Variants in FOXP1 observed in about 807,000 individuals in gnomAD.
FOXP1 encodes the protein forkhead box P1.
Under a neutral mutation model 98.2 loss-of-function variants are expected in FOXP1, and 15 were observed. That is an observed-to-expected ratio of 0.15 (90% CI 0.10 to 0.24). The LOEUF (loss-of-function observed/expected upper bound fraction) is 0.24. Among genes scored for constraint, FOXP1 ranks in the 10% least tolerant of loss-of-function variants. FOXP1 has a pLI of 1.00. For synonymous variants in FOXP1, 371 were observed against 314.5 expected, an observed-to-expected ratio of 1.18 and a Z score of -1.90; for missense variants, 633 against 848.5, an observed-to-expected ratio of 0.75 and a Z score of 3.15.
chr3:71,168,203 A>G (rs2061480779), intron 6 of FOXP1, among the ~76,000 whole-genome samples: 1 of 152,154 alleles, frequency 6.6e-6, no homozygotes, highest in African/African-American at 2.4e-5. Flanking sequence ...CAAAATGTGA[A>G]ACACTGTAAC....
At chr3:71,508,937 G>C (rs1026194172) in intron 2 of FOXP1, among the ~76,000 whole-genome samples, 2 of 152,118 alleles carry the variant, frequency 1.3e-5, no homozygotes, top group Admixed American at 6.5e-5. Flanking sequence ...TTGTGGTGAG[G>C]ACAAAAGGGG....
intron 5 of FOXP1, among the ~76,000 whole-genome samples, chr3:71,245,998 A>ACCCCC (rs55660633): frequency 7.6e-6 from 1 of 132,172 alleles, no homozygotes; most frequent in African/African-American, 2.6e-5. Context: ...TACGAAAACC[A>ACCCCC]CCCCCCCCCC....
intron 2 of FOXP1, among the ~76,000 whole-genome samples, chr3:71,548,534 T>C (rs1413042198): frequency 6.6e-6 from 1 of 152,020 alleles, no homozygotes; most frequent in Non-Finnish European, 1.5e-5. Flanking sequence ...GCCTCCCAAG[T>C]ACTATAGGTG....
At chr3:71,315,101 A>G (rs1344659739) in intron 4 of FOXP1, among the ~76,000 whole-genome samples, 4 of 141,594 alleles carry the variant, frequency 2.8e-5, no homozygotes, top group African/African-American at 1.0e-4. Context: ...AAAAAAAAAA[A>G]AAAAAAGAAA....
At chr3:70,979,180 G>A (rs778713284) in intron 14 of FOXP1, among the ~76,000 whole-genome samples, 2 of 149,114 alleles carry the variant, frequency 1.3e-5, no homozygotes, top group Non-Finnish European at 3.0e-5. Flanking sequence ...TACCTAGGAG[G>A]CTGAGGTGGG....
At chr3:71,480,586 A>C (rs2090195544) in intron 3 of FOXP1, among the ~76,000 whole-genome samples, 1 of 152,216 alleles carries the variant, frequency 6.6e-6, no homozygotes, top group Non-Finnish European at 1.5e-5. Flanking sequence ...TATCTCTATG[A>C]CTATTGGTGC....
intron 6 of FOXP1, 66 bp from the exon 7 acceptor site, chr3:71,112,703 G>A: frequency 8.1e-7 from 1 of 1,237,610 alleles, no homozygotes; most frequent in Non-Finnish European, 1.2e-6. Flanking sequence ...TCATAAAAAA[G>A]GATTCCAGGA....
At chr3:71,057,552 A>G in intron 7 of FOXP1, among the ~76,000 whole-genome samples, 1 of 151,856 alleles carries the variant, frequency 6.6e-6, no homozygotes. Context: ...TGAGTTAACA[A>G]TGAATCATAG....
intron 3 of FOXP1, among the ~76,000 whole-genome samples, chr3:71,446,368 G>C (rs1307857653): frequency 6.6e-6 from 1 of 152,068 alleles, no homozygotes; most frequent in Non-Finnish European, 1.5e-5. Context: ...AATAAGCAGA[G>C]AAAAAGCATG....
chr3:71,442,621 CCA>C (rs977757345), intron 3 of FOXP1, among the ~76,000 whole-genome samples: 6 of 152,192 alleles, frequency 3.9e-5, no homozygotes, highest in Non-Finnish European at 8.8e-5. Context: ...AGTAATAATG[CCA>C]CAGAGAAGCT....
At chr3:70,992,150 G>C (rs2040699509) in intron 13 of FOXP1, among the ~76,000 whole-genome samples, 1 of 152,220 alleles carries the variant, frequency 6.6e-6, no homozygotes, top group Non-Finnish European at 1.5e-5. Flanking sequence ...CACTCCAACA[G>C]TGAGGCTTGG....
intron 6 of FOXP1, among the ~76,000 whole-genome samples, chr3:71,151,109 A>G (rs1259255720): frequency 6.6e-6 from 1 of 152,140 alleles, no homozygotes; most frequent in Non-Finnish European, 1.5e-5. Flanking sequence ...CCTTGTTACC[A>G]TGTAACAAAG....
rs534878150 is a variant in FOXP1, at chr3:71,531,482, C to A, written c.-297-37927G>T. ...GTCCACCCTGGTTTAAATAGAGGAGCTCTACTTGAGGAACAAATTGGACAA... is the reference window on the plus strand; with the variant it reads ...GTCCACCCTGGTTTAAATAGAGGAGATCTACTTGAGGAACAAATTGGACAA... On this transcript the variant is annotated intron_variant, in intron 2 of 20. Coordinates refer to ENST00000649528, the MANE Select transcript of FOXP1 (RefSeq NM_001349338.3). Among the ~76,000 whole-genome samples, 39 of 152,042 alleles carry A rather than the reference C, an allele frequency of 2.6e-4. No homozygotes were observed. The South Asian group carries it at 7.9e-3, about 31-fold the overall frequency.
At chr3:71,143,516 C>T (rs770565501) in intron 6 of FOXP1, among the ~76,000 whole-genome samples, 6 of 152,202 alleles carry the variant, frequency 3.9e-5, no homozygotes, top group Non-Finnish European at 8.8e-5. Context: ...TCGAACCACA[C>T]TGCACCACAG....
chr3:71,421,834 G>A (rs529056800), intron 3 of FOXP1, among the ~76,000 whole-genome samples: 18 of 152,278 alleles, frequency 1.2e-4, no homozygotes, highest in African/African-American at 4.3e-4. Context: ...AACAAAAACA[G>A]ACCAGTGTTG....
At chr3:71,549,703 T>C (rs2045623079) in intron 2 of FOXP1, among the ~76,000 whole-genome samples, 2 of 152,102 alleles carry the variant, frequency 1.3e-5, no homozygotes, top group Admixed American at 1.3e-4. Flanking sequence ...ATAAAACATA[T>C]CTCAAATATT....
At chr3:71,318,418 T>A (rs754210647) in intron 4 of FOXP1, among the ~76,000 whole-genome samples, 1 of 152,234 alleles carries the variant, frequency 6.6e-6, no homozygotes, top group Admixed American at 6.5e-5. Flanking sequence ...ATTACTTTGG[T>A]GGACCTTGCA....
In FOXP1 at chr3:71,162,704, A is replaced by G. The variant is rs1457744309; in HGVS notation, c.180+35498T>C. Among the ~76,000 whole-genome samples the G allele has an allele frequency of 2.6e-5, 4 of 152,238 alleles. No homozygotes were observed. The East Asian group carries it at 7.7e-4, about 29-fold the overall frequency. On this transcript the variant is annotated intron_variant, in intron 6 of 20. Transcript: ENST00000649528. Reference sequence around the variant, plus strand: ...GAAGCCCCACCCATTGTTACTTGCCAACATGTGGAAAAAGAACCCAAAAAG... The same window carrying G: ...GAAGCCCCACCCATTGTTACTTGCCGACATGTGGAAAAAGAACCCAAAAAG...
At chr3:71,198,413 A>AGGGGGG in intron 5 of FOXP1, 21 bp from the exon 6 acceptor site, 2 of 228,518 alleles carry the variant, frequency 8.8e-6, no homozygotes, top group Non-Finnish European at 1.8e-5. Flanking sequence ...GATTTCCAAG[A>AGGGGGG]TGGGGGGAGG....
Sources: gnomAD v4.1 joint callset for allele counts (sites outside exome capture counted in the v4.1 genomes callset) on GRCh38, gnomAD v4.1.1 for gene constraint, MANE v1.5 for transcripts, NCBI Gene and HGNC (gene_info 2026-07-23, HGNC 2026-07-21) for gene names.